Variants in RBBP8 observed in about 807,000 individuals in gnomAD.
RBBP8 encodes DNA endonuclease RBBP8.
In RBBP8, 88 loss-of-function variants were observed where a neutral mutation model predicts 108.3. The ratio of observed to expected loss-of-function variants is 0.81; its 90% CI spans 0.68 to 0.97. The LOEUF is 0.97. RBBP8 is among the 50% of genes least tolerant of loss of function. The probability of loss-of-function intolerance (pLI) is 0.00; values close to 1 mark genes in which losing one functional copy is unlikely to be tolerated. For missense variants in RBBP8, 1,023 were observed against 1,049.0 expected (o/e 0.98, Z 0.34); for synonymous variants, 332 against 348.2 (o/e 0.95, Z 0.52).
At chr18:23,012,103 G>A (rs975506209) in intron 16 of RBBP8, among the ~76,000 whole-genome samples, 3 of 150,468 alleles carry the variant, frequency 2.0e-5, no homozygotes, top group Admixed American at 6.7e-5. Context: ...GTTATACTGC[G>A]GGAGGCTGAG....
chr18:22,949,919 G>T (rs915933984), intron 4 of RBBP8: 15 of 511,848 alleles, frequency 2.9e-5, no homozygotes, highest in Middle Eastern at 4.4e-4. Flanking sequence ...CCCTTTAAAT[G>T]ATATCTTTAT....
At chr18:22,937,265 G>A (rs994889895) in intron 2 of RBBP8, 17 of 381,674 alleles carry the variant, frequency 4.5e-5, no homozygotes, top group African/African-American at 8.4e-5. Context: ...TTGTGTCCAT[G>A]TGTACTAAAT....
intron 16 of RBBP8, among the ~76,000 whole-genome samples, chr18:23,014,394 C>G (rs150570757): frequency 6.6e-6 from 1 of 152,174 alleles, no homozygotes; most frequent in Non-Finnish European, 1.5e-5. Flanking sequence ...ATTCACCATT[C>G]CAGATGACAT....
At chr18:22,970,637 G>T (rs1410024497) in intron 5 of RBBP8, among the ~76,000 whole-genome samples, 1 of 152,126 alleles carries the variant, frequency 6.6e-6, no homozygotes, top group Non-Finnish European at 1.5e-5. Context: ...CCCTGTTACT[G>T]TTCCAGTCAA....
chr18:23,022,673 A>AAAATAAAATAAAATAAAAT (rs1476972736), intron 18 of RBBP8, among the ~76,000 whole-genome samples: 1 of 130,930 alleles, frequency 7.6e-6, no homozygotes, highest in Non-Finnish European at 1.7e-5. Flanking sequence ...TAAAATAAAT[A>AAAATAAAATAAAATAAAAT]ACTGTATATG....
intron 4 of RBBP8, among the ~76,000 whole-genome samples, chr18:22,954,906 G>A (rs145358021): frequency 4.6e-5 from 7 of 152,204 alleles, no homozygotes; most frequent in African/African-American, 1.2e-4. Context: ...GCAGCATAGC[G>A]TTAACTGCCC....
At chr18:22,981,513 T>A (rs1305553762) in intron 6 of RBBP8, among the ~76,000 whole-genome samples, 3 of 152,176 alleles carry the variant, frequency 2.0e-5, no homozygotes. Context: ...AAAGTAGTAA[T>A]ACCTCACAGA....
chr18:22,994,713 A>G (rs932037855), intron 12 of RBBP8, among the ~76,000 whole-genome samples: 20 of 150,392 alleles, frequency 1.3e-4, no homozygotes, highest in Non-Finnish European at 2.5e-4. Context: ...TAATTTTGCT[A>G]TATTTTATTA....
chr18:22,999,654 A>G (rs2045914731), intron 14 of RBBP8, among the ~76,000 whole-genome samples: 1 of 152,194 alleles, frequency 6.6e-6, no homozygotes, highest in Non-Finnish European at 1.5e-5. Context: ...ATTAAAAAAA[A>G]AAAAAATTAC....
intron 16 of RBBP8, among the ~76,000 whole-genome samples, chr18:23,009,722 G>A (rs2046122901): frequency 6.6e-6 from 1 of 151,848 alleles, no homozygotes; most frequent in Admixed American, 6.6e-5. Flanking sequence ...CATGTATATA[G>A]TCATGCTATC....
intron 6 of RBBP8, among the ~76,000 whole-genome samples, chr18:22,978,570 C>G (rs1231370957): frequency 1.3e-5 from 2 of 151,386 alleles, no homozygotes; most frequent in East Asian, 3.9e-4. Context: ...GCCAGGAAAT[C>G]AATTGCTTCT....
At chr18:22,997,785 T>G in intron 14 of RBBP8, 51 bp downstream of exon 14, 3 of 1,283,288 alleles carry the variant, frequency 2.3e-6, no homozygotes, top group Non-Finnish European at 3.3e-6. Context: ...TGTGTGAAGT[T>G]TGTAGTTGTA....
intron 4 of RBBP8, among the ~76,000 whole-genome samples, chr18:22,952,458 G>C (rs1912122794): frequency 2.0e-5 from 3 of 152,156 alleles, no homozygotes; most frequent in African/African-American, 4.8e-5. Flanking sequence ...CAGGAACATA[G>C]GTCTTGACCA....
chr18:22,988,974 G>C (rs12958492), intron 8 of RBBP8, among the ~76,000 whole-genome samples: 5 of 151,940 alleles, frequency 3.3e-5, no homozygotes, highest in Admixed American at 6.5e-5. Flanking sequence ...TCTACCTATT[G>C]CATTCAGTTC....
chr18:22,967,490 A>G (rs1317728269), intron 4 of RBBP8, among the ~76,000 whole-genome samples: 1 of 152,198 alleles, frequency 6.6e-6, no homozygotes, highest in African/African-American at 2.4e-5. Flanking sequence ...AATGTTTCAA[A>G]AATATGGAAA....
chr18:22,967,322 C>T (rs62095202), intron 4 of RBBP8, among the ~76,000 whole-genome samples: 25,406 of 148,384 alleles, frequency 0.17, 2,899 homozygotes, highest in African/African-American at 0.33. Flanking sequence ...GCTGAGATTG[C>T]GCCACTGCAC....
At chr18:23,001,457 A>G in intron 14 of RBBP8, 129 bp from the exon 15 acceptor site, 4 of 1,050,494 alleles carry the variant, frequency 3.8e-6, no homozygotes, top group Non-Finnish European at 5.9e-6. Flanking sequence ...ATATTTTAAC[A>G]ACCGTATTTT....
At chr18:22,952,623 T>C (rs1355182192) in intron 4 of RBBP8, among the ~76,000 whole-genome samples, 2 of 152,154 alleles carry the variant, frequency 1.3e-5, no homozygotes, top group Non-Finnish European at 2.9e-5. Flanking sequence ...AACACAGCCA[T>C]GTCTAGGCTG....
intron 4 of RBBP8, among the ~76,000 whole-genome samples, chr18:22,951,211 G>A (rs1325833203): frequency 6.6e-6 from 1 of 152,062 alleles, no homozygotes; most frequent in Non-Finnish European, 1.5e-5. Context: ...TGCTCTAGGG[G>A]GCTAGGGATG....
Sources: gnomAD v4.1 joint callset for allele counts (sites outside exome capture counted in the v4.1 genomes callset) on GRCh38, gnomAD v4.1.1 for gene constraint, MANE v1.5 for transcripts, NCBI Gene and HGNC (gene_info 2026-07-23, HGNC 2026-07-21) for gene names.